The following PKHD1 variants were observed in gnomAD, a reference collection of about 807,000 sequenced individuals.
PKHD1 encodes the protein fibrocystin.
Under a neutral mutation model 412.0 loss-of-function variants are expected in PKHD1, and 291 were observed. The ratio of observed to expected loss-of-function variants is 0.71; its 90% CI spans 0.64 to 0.78. PKHD1 has a LOEUF of 0.78. Ranked by LOEUF, PKHD1 falls within the 30% of genes least tolerant of loss-of-function variation. PKHD1 has a pLI of 0.00. For missense variants in PKHD1, 4,825 were observed against 4,950.7 expected (o/e 0.97, Z 0.76); for synonymous variants, 1,777 against 1,821.5 (o/e 0.98, Z 0.62).
chr6:51,804,624 C>T (rs1467736874), intron 52 of PKHD1, among the ~76,000 whole-genome samples: 1 of 151,926 alleles, frequency 6.6e-6, no homozygotes, highest in Non-Finnish European at 1.5e-5. Flanking sequence ...ACAAACTCTG[C>T]AAATTGGTAA....
At position 51,868,048 on chromosome 6, in the gene PKHD1, A is replaced by T; in HGVS notation, c.7548T>A (p.Phe2516Leu). 1 of 1,611,488 alleles carries T rather than the reference A, an allele frequency of 6.2e-7. No individual in the cohort carries two copies. ...CCAAAATTGCTGCATGAGGAAATGGAAATGCCACTAAGTTTGAAGAGTTTG... is the reference window on the plus strand; with the variant it reads ...CCAAAATTGCTGCATGAGGAAATGGTAATGCCACTAAGTTTGAAGAGTTTG... ...KFTNSSNLVA[F>L]PFPHAAILED... The change falls in exon 48 of 67, where the codon TTT becomes TTA. Residue 2516 changes from phenylalanine to leucine, a missense_variant. Physicochemically the swap from Phe to Leu is conservative, Grantham distance 22. Coordinates refer to ENST00000371117, the MANE Select transcript of PKHD1 (RefSeq NM_138694.4).
chr6:51,620,753 G>C (rs1184846590), intron 66 of PKHD1, among the ~76,000 whole-genome samples: 3 of 148,772 alleles, frequency 2.0e-5, no homozygotes, highest in African/African-American at 7.4e-5. Flanking sequence ...GGAAAATGAG[G>C]TAAGGATGAG....
intron 49 of PKHD1, among the ~76,000 whole-genome samples, chr6:51,851,961 T>C (rs1772344992): frequency 6.6e-6 from 1 of 152,140 alleles, no homozygotes; most frequent in Non-Finnish European, 1.5e-5. Context: ...TGGATTTGTT[T>C]GCTCTTGACT....
intron 34 of PKHD1, among the ~76,000 whole-genome samples, chr6:52,015,508 T>C (rs1800408490): frequency 6.6e-6 from 1 of 152,316 alleles, no homozygotes; most frequent in South Asian, 2.1e-4. Context: ...AGGGCACTTA[T>C]TATAATTCTT....
intron 35 of PKHD1, among the ~76,000 whole-genome samples, chr6:51,963,025 T>G (rs1792301926): frequency 6.6e-6 from 1 of 152,050 alleles, no homozygotes; most frequent in Non-Finnish European, 1.5e-5. Context: ...AAATGAATCT[T>G]ATACCTGCTG....
chr6:51,996,910 T>A (rs1367488312), intron 35 of PKHD1, among the ~76,000 whole-genome samples: 2 of 152,224 alleles, frequency 1.3e-5, no homozygotes, highest in Admixed American at 6.5e-5. Context: ...GCATCACTGC[T>A]ACCATATTTT....
intron 60 of PKHD1, among the ~76,000 whole-genome samples, chr6:51,703,269 T>C (rs1375793603): frequency 6.6e-6 from 1 of 152,086 alleles, no homozygotes; most frequent in Non-Finnish European, 1.5e-5. Flanking sequence ...ATGATGGTTC[T>C]GATCTGTTTT....
intron 60 of PKHD1, among the ~76,000 whole-genome samples, chr6:51,679,270 G>C (rs1776295388): frequency 6.6e-6 from 1 of 152,016 alleles, no homozygotes; most frequent in Non-Finnish European, 1.5e-5. Flanking sequence ...GAATTTGACA[G>C]CAAACATCAT....
At chr6:51,741,131 C>T (rs1430685769) in intron 60 of PKHD1, 2 of 518,800 alleles carry the variant, frequency 3.9e-6, no homozygotes, top group South Asian at 1.4e-5. Context: ...TCTACCATTG[C>T]AACCAGCAGC....
At chr6:51,706,481 T>TA (rs3061722) in intron 60 of PKHD1, among the ~76,000 whole-genome samples, 94,974 of 140,902 alleles carry the variant, frequency 0.67, 33,505 homozygotes, top group East Asian at 0.79. Context: ...TCTCCCATGG[T>TA]AAAAAAAAAA....
intron 53 of PKHD1, among the ~76,000 whole-genome samples, chr6:51,782,054 T>TAC (rs1792110690): frequency 7.1e-6 from 1 of 140,450 alleles, no homozygotes; most frequent in African/African-American, 2.6e-5. Flanking sequence ...TAAATTTATA[T>TAC]GATTAATTAT....
rs1772414141 is a variant in PKHD1, at chr6:51,659,250, T to A, written c.10876A>T (p.Thr3626Ser). 6.2e-7 allele frequency: 1 copy of A among 1,613,772 alleles called. No homozygotes were observed. Among genetic ancestry groups the A allele is most frequent in the South Asian group, 1.1e-5 (1 of 91,084 alleles). The stretch of plus-strand genomic sequence containing the variant: ...ACTCTTCTATAATGACTAGTGCAAG[T>A]CACAGTAGGGCAATTGCGCTTTCTT... ...AKRKRNCPTV[T>S]CTSHYRRVGQ... The change falls in exon 61 of 67, where the codon ACT becomes TCT. Residue 3626 changes from threonine to serine, a missense_variant. By Grantham distance (58) the Thr-to-Ser change is moderately conservative. Coordinates refer to ENST00000371117, the MANE Select transcript of PKHD1 (RefSeq NM_138694.4).
chr6:51,631,439 C>T (rs1328898961), intron 65 of PKHD1, among the ~76,000 whole-genome samples: 1 of 152,106 alleles, frequency 6.6e-6, no homozygotes, highest in Non-Finnish European at 1.5e-5. Flanking sequence ...AAAATGTATC[C>T]AGTGGAGCCT....
At chr6:52,052,265 G>C (rs1199830913) in intron 21 of PKHD1, among the ~76,000 whole-genome samples, 1 of 152,150 alleles carries the variant, frequency 6.6e-6, no homozygotes, top group Admixed American at 6.5e-5. Context: ...AGACACTGAG[G>C]GCAAACTGCA....
intron 33 of PKHD1, 98 bp from the exon 34 acceptor site, chr6:52,017,727 T>C (rs1054074336): frequency 6.9e-6 from 6 of 871,454 alleles, no homozygotes; most frequent in East Asian, 2.5e-5. Flanking sequence ...CTTTGACCAA[T>C]AGGAATATGA....
At chr6:51,829,569 A>G (rs1767898744) in intron 52 of PKHD1, among the ~76,000 whole-genome samples, 1 of 152,082 alleles carries the variant, frequency 6.6e-6, no homozygotes, top group Non-Finnish European at 1.5e-5. Context: ...TTTATTCAAA[A>G]AGTTACATCC....
intron 27 of PKHD1, among the ~76,000 whole-genome samples, chr6:52,039,072 G>T (rs1258772505): frequency 6.6e-6 from 1 of 152,148 alleles, no homozygotes; most frequent in Non-Finnish European, 1.5e-5. Context: ...AAATTGGCAA[G>T]ATTTGAATAA....
At chr6:51,819,047 C>A (rs1765945746) in intron 52 of PKHD1, among the ~76,000 whole-genome samples, 1 of 151,976 alleles carries the variant, frequency 6.6e-6, no homozygotes, top group Non-Finnish European at 1.5e-5. Context: ...ACCTGGATAC[C>A]CAAACCCCTA....
intron 52 of PKHD1, among the ~76,000 whole-genome samples, chr6:51,814,005 T>C (rs1765077494): frequency 1.3e-5 from 2 of 152,158 alleles, no homozygotes; most frequent in South Asian, 4.1e-4. Flanking sequence ...CTCATAACCA[T>C]ACTTAATGTA....
Sources: gnomAD v4.1 joint callset for allele counts (sites outside exome capture counted in the v4.1 genomes callset) on GRCh38, gnomAD v4.1.1 for gene constraint, MANE v1.5 for transcripts, NCBI Gene and HGNC (gene_info 2026-07-23, HGNC 2026-07-21) for gene names.